ABCD3: variants seen among roughly 807,000 people sequenced by gnomAD.
The protein encoded by ABCD3 is ATP-binding cassette sub-family D member 3.
A neutral mutation model predicts 105.5 loss-of-function variants in ABCD3; 41 were observed. The ratio of observed to expected loss-of-function variants is 0.39; its 90% CI spans 0.30 to 0.50. ABCD3 has a LOEUF of 0.50. ABCD3 is among the 20% of genes least tolerant of loss of function. ABCD3 has a pLI of 0.84. For synonymous variants in ABCD3, 258 were observed against 269.0 expected, an observed-to-expected ratio of 0.96 and a Z score of 0.40; for missense variants, 622 against 806.3, an observed-to-expected ratio of 0.77 and a Z score of 2.77.
intron 21 of ABCD3, 36 bp downstream of exon 21, chr1:94,506,678 C>T: frequency 6.9e-7 from 1 of 1,442,794 alleles, no homozygotes. Flanking sequence ...GGAGCCATGG[C>T]CTCCTACCTA....
Position 94,517,477 on chromosome 1 carries a change from A to C in ABCD3, c.*348A>C, listed in dbSNP as rs997847080. ...CAGCTAATTGGACTTTTATGGCTCTATCTTTTCCTTCAGTGAAGAACCCTA... is the reference window on the plus strand; with the variant it reads ...CAGCTAATTGGACTTTTATGGCTCTCTCTTTTCCTTCAGTGAAGAACCCTA... On this transcript the variant is annotated 3_prime_UTR_variant, in exon 23 of 23. Coordinates refer to ENST00000370214, the MANE Select transcript of ABCD3 (RefSeq NM_002858.4). 3.6e-6 allele frequency: 1 copy of C among 274,242 alleles called. No homozygotes were observed. The highest frequency in any genetic ancestry group is 1.0e-4 in the East Asian group (1 of 9,902). 17.0% of individuals were successfully genotyped at this position (274,242 alleles called of 1,614,324 possible).
At chr1:94,435,414 G>A (rs1659864663) in intron 1 of ABCD3, among the ~76,000 whole-genome samples, 1 of 152,116 alleles carries the variant, frequency 6.6e-6, no homozygotes, top group African/African-American at 2.4e-5. Context: ...GGTGGTACAT[G>A]CCTGTAATTC....
chr1:94,504,832 C>T (rs1650272433), intron 20 of ABCD3, among the ~76,000 whole-genome samples: 1 of 152,138 alleles, frequency 6.6e-6, no homozygotes, highest in African/African-American at 2.4e-5. Context: ...TCTATCCAGA[C>T]AGGAGATGAG....
At chr1:94,419,354 C>T (rs1659167092) in intron 1 of ABCD3, 1 of 984,900 alleles carries the variant, frequency 1.0e-6, no homozygotes, top group African/African-American at 1.7e-5. Context: ...TAATGACACG[C>T]CACTGCTTCC....
At chr1:94,391,370 T>C in the ABCD3 span, among the ~76,000 whole-genome samples, 7 of 152,290 alleles carry the variant, frequency 4.6e-5, no homozygotes, top group African/African-American at 1.4e-4. Context: ...GTCGCCCTCG[T>C]CAGAATGCCC....
upstream of ABCD3, among the ~76,000 whole-genome samples, chr1:94,413,929 T>C (rs760112290): frequency 1.4e-4 from 22 of 152,270 alleles, no homozygotes; most frequent in Middle Eastern, 3.4e-3. Flanking sequence ...CAGATGACTG[T>C]TCAGAGTAGG....
At chr1:94,466,753 G>C (rs1327819536) in intron 3 of ABCD3, among the ~76,000 whole-genome samples, 1 of 152,070 alleles carries the variant, frequency 6.6e-6, no homozygotes, top group Non-Finnish European at 1.5e-5. Context: ...CTTCCAATCA[G>C]TTAACAGCTT....
At chr1:94,513,020 G>A (rs1650758056) in intron 21 of ABCD3, among the ~76,000 whole-genome samples, 1 of 152,116 alleles carries the variant, frequency 6.6e-6, no homozygotes, top group African/African-American at 2.4e-5. Flanking sequence ...TGCTAAATCA[G>A]AATCTGCATT....
chr1:94,457,283 T>G (rs1647621662), intron 1 of ABCD3, among the ~76,000 whole-genome samples: 1 of 152,240 alleles, frequency 6.6e-6, no homozygotes. Context: ...TAATCATATT[T>G]AAAATATCGT....
the ABCD3 span, among the ~76,000 whole-genome samples, chr1:94,397,014 T>C: frequency 6.6e-6 from 1 of 152,234 alleles, no homozygotes; most frequent in Non-Finnish European, 1.5e-5. Flanking sequence ...TTTATGCTAG[T>C]TTCTTACTTG....
chr1:94,473,639 A>G, intron 4 of ABCD3, 127 bp from the exon 5 acceptor site: 1 of 785,444 alleles, frequency 1.3e-6, no homozygotes, highest in South Asian at 1.6e-5. Flanking sequence ...GGTTTTTAGC[A>G]TCTTTTTTAT....
chr1:94,488,832 T>TCC (rs1489581121), intron 13 of ABCD3, among the ~76,000 whole-genome samples: 3 of 151,406 alleles, frequency 2.0e-5, no homozygotes, highest in African/African-American at 7.3e-5. Flanking sequence ...TCTCTCTCTC[T>TCC]CTCGCTCTCT....
At chr1:94,472,280 T>G (rs1056329027) in intron 4 of ABCD3, 57 of 928,486 alleles carry the variant, frequency 6.1e-5, no homozygotes, top group Non-Finnish European at 7.3e-5. Flanking sequence ...TCTTGTGTGT[T>G]TCACAGCTTG....
the ABCD3 span, among the ~76,000 whole-genome samples, chr1:94,395,405 GGA>G: frequency 6.6e-6 from 1 of 152,184 alleles, no homozygotes; most frequent in Admixed American, 6.5e-5. Flanking sequence ...GGAAAGGTCA[GGA>G]GAGAGAGAGA....
At chr1:94,468,150 A>G (rs1412610319) in intron 4 of ABCD3, 143 bp downstream of exon 4, 13 of 731,460 alleles carry the variant, frequency 1.8e-5, no homozygotes, top group Non-Finnish European at 2.9e-5. Context: ...CATTTACTTA[A>G]AAAATACTTA....
At chr1:94,441,779 ATATGT>A (rs942717931) in intron 1 of ABCD3, among the ~76,000 whole-genome samples, 1 of 152,162 alleles carries the variant, frequency 6.6e-6, no homozygotes, top group African/African-American at 2.4e-5. Flanking sequence ...GGAAAATCAA[ATATGT>A]TATTTGCTCA....
intron 16 of ABCD3, among the ~76,000 whole-genome samples, chr1:94,496,195 C>G (rs1214805007): frequency 6.6e-6 from 1 of 152,154 alleles, no homozygotes; most frequent in Non-Finnish European, 1.5e-5. Context: ...ATTTCCAGAA[C>G]TTTTCCATCA....
At chr1:94,452,138 A>G (rs1442647840) in intron 1 of ABCD3, among the ~76,000 whole-genome samples, 1 of 152,198 alleles carries the variant, frequency 6.6e-6, no homozygotes, top group Non-Finnish European at 1.5e-5. Context: ...TACAGTTTTG[A>G]GACTGAAAGA....
intron 4 of ABCD3, among the ~76,000 whole-genome samples, chr1:94,470,850 T>G (rs959675129): frequency 3.0e-4 from 45 of 152,210 alleles, no homozygotes; most frequent in Non-Finnish European, 1.8e-4. Flanking sequence ...CAAGTTATCT[T>G]CTATATGGAT....
Sources: gnomAD v4.1 joint callset for allele counts (sites outside exome capture counted in the v4.1 genomes callset) on GRCh38, gnomAD v4.1.1 for gene constraint, MANE v1.5 for transcripts, NCBI Gene and HGNC (gene_info 2026-07-23, HGNC 2026-07-21) for gene names.